Variants in AMDHD2 observed in about 807,000 individuals in gnomAD.
AMDHD2 encodes the protein amidohydrolase domain containing 2, also known as N-acetylglucosamine-6-phosphate deacetylase.
A neutral mutation model predicts 41.8 loss-of-function variants in AMDHD2; 24 were observed. That is an observed-to-expected ratio of 0.57 (90% confidence interval 0.42 to 0.81). AMDHD2 has a LOEUF of 0.81. AMDHD2 is among the 30% of genes least tolerant of loss of function. AMDHD2 has a pLI of 0.00. For synonymous variants in AMDHD2, 332 were observed against 255.5 expected (o/e 1.30, Z -2.85); for missense variants, 540 against 588.5 (o/e 0.92, Z 0.85).
Position 2,528,740 on chromosome 16 carries a change from G to A in AMDHD2, c.1039+22G>A, listed in dbSNP as rs775784160. The stretch of plus-strand genomic sequence containing the variant: ...ACAGGTCAGTGAGCAGCACGGGTGC[G>A]GGTTTAGGTGGTCTGTGAGTGGTGG... On this transcript the variant is annotated intron_variant, in intron 9 of 10. Transcript: ENST00000293971. 40 of 1,608,322 alleles carry A rather than the reference G, an allele frequency of 2.5e-5. No homozygotes were observed. The Admixed American group carries it at 5.3e-4, about 21-fold the overall frequency.
Position 2,531,105 on chromosome 16 carries a change from T to A in AMDHD2, c.*1542T>A, listed in dbSNP as rs776236799. The A allele has an allele frequency of 1.3e-6, 2 of 1,546,318 alleles. No individual in the cohort carries two copies. The highest frequency in any genetic ancestry group is 2.4e-5 in the South Asian group (2 of 82,702). On this transcript the variant is annotated 3_prime_UTR_variant, in exon 11 of 11. Coordinates refer to ENST00000293971, the MANE Select transcript of AMDHD2 (RefSeq NM_001330449.2). ...CTAAAACCCAGAGCTGGCATGTTGG[T>A]CATCCCCACCTCAGACGGGACGCCC... is the stretch of plus-strand genomic sequence containing the variant.
intron 3 of AMDHD2, among the ~76,000 whole-genome samples, chr16:2,523,319 C>T (rs921283076): frequency 2.0e-5 from 3 of 152,206 alleles, no homozygotes; most frequent in East Asian, 3.9e-4. Flanking sequence ...TCATCACTTG[C>T]GTTATATGCC....
chr16:2,527,656 T>A lies in AMDHD2; in HGVS notation c.415+41T>A, dbSNP rs891208062. 2.5e-6 allele frequency: 4 copies of A among 1,590,178 alleles called. No individual in the cohort carries two copies. The African/African-American group carries it at 5.4e-5, about 21-fold the overall frequency. On this transcript the variant is annotated intron_variant, in intron 4 of 10. Coordinates refer to ENST00000293971, the MANE Select transcript of AMDHD2 (RefSeq NM_001330449.2). This position sits in a 1 kb window ranked among gnomAD's most constrained non-coding sequence, Gnocchi z 6.1. ...CCTCCCCGCCCCCACCCTGGGAGGC[T>A]CCTGCGGGACCTGTTGGCAGCCCCC...
At chr16:2,521,577 C>G (rs1183478204) in intron 3 of AMDHD2, among the ~76,000 whole-genome samples, 1 of 152,188 alleles carries the variant, frequency 6.6e-6, no homozygotes, top group East Asian at 1.9e-4. Context: ...CTGCTTGCCC[C>G]ACGCTTCCAT....
At position 2,530,872 on chromosome 16, in the gene AMDHD2, C is replaced by T; in HGVS notation, c.*1309C>T. The T allele has an allele frequency of 1.2e-6, 2 of 1,613,592 alleles. No homozygotes were observed. The highest frequency in any genetic ancestry group is 1.7e-6 in the Non-Finnish European group (2 of 1,179,990). On this transcript the variant is annotated 3_prime_UTR_variant, in exon 11 of 11. Coordinates refer to ENST00000293971, the MANE Select transcript of AMDHD2 (RefSeq NM_001330449.2). ...CTGACCTCCTGAGAGGTGTGAGGTG[C>T]AGGGATACCCACCTCTGCCTTGACG...
At chr16:2,521,345 C>A (rs2065934572) in intron 3 of AMDHD2, among the ~76,000 whole-genome samples, 1 of 152,122 alleles carries the variant, frequency 6.6e-6, no homozygotes, top group Admixed American at 6.5e-5. Flanking sequence ...GCAGCTGTCT[C>A]CACACTGCTG....
chr16:2,531,009 G>A lies in AMDHD2; in HGVS notation c.*1446G>A, dbSNP rs780217414. On this transcript the variant is annotated 3_prime_UTR_variant, in exon 11 of 11. Transcript: ENST00000293971. ...GGAGAGGCAGGTGAGGTTCTCAGCC[G>A]ATGTGTTAGAGGTTGAGCATCGCCT... The A allele has an allele frequency of 1.2e-5, 19 of 1,612,320 alleles. No individual in the cohort carries two copies. The African/African-American group carries it at 1.2e-4, about 10-fold the overall frequency.
At chr16:2,525,799 C>T (rs2065996626) in intron 3 of AMDHD2, among the ~76,000 whole-genome samples, 1 of 152,258 alleles carries the variant, frequency 6.6e-6, no homozygotes, top group Admixed American at 6.5e-5. Context: ...CTGCCTTGGC[C>T]TCCCCAGGTG....
chr16:2,523,621 A>G (rs1415662259), intron 3 of AMDHD2, among the ~76,000 whole-genome samples: 1 of 152,120 alleles, frequency 6.6e-6, no homozygotes, highest in Non-Finnish European at 1.5e-5. Flanking sequence ...GAAATTTCCC[A>G]CAGCCCTCCC....
At chr16:2,522,137 A>G (rs2065949104) in intron 3 of AMDHD2, among the ~76,000 whole-genome samples, 1 of 152,056 alleles carries the variant, frequency 6.6e-6, no homozygotes, top group African/African-American at 2.4e-5. Flanking sequence ...AGGTTGGAGT[A>G]GAGTGGTGTG....
At position 2,531,131 on chromosome 16, in the gene AMDHD2, A is replaced by G. The variant is rs2066090581; in HGVS notation, c.*1568A>G. The G allele has an allele frequency of 1.3e-6, 2 of 1,523,044 alleles. No homozygotes were observed. Among genetic ancestry groups the G allele is most frequent in the Admixed American group, 3.8e-5 (2 of 52,554 alleles). 94.3% of individuals were successfully genotyped at this position (1,523,044 alleles called of 1,614,324 possible). A position where few individuals can be genotyped will look rare whatever the true frequency, so the allele number is the denominator to read the frequency against. ...CATCCCCACCTCAGACGGGACGCCCAGTCCAGAGCTGGTGAGCCCTGGGCC... is the reference window on the plus strand; with the variant it reads ...CATCCCCACCTCAGACGGGACGCCCGGTCCAGAGCTGGTGAGCCCTGGGCC... On this transcript the variant is annotated 3_prime_UTR_variant, in exon 11 of 11. Transcript: ENST00000293971.
Position 2,529,055 on chromosome 16 carries a change from G to C in AMDHD2, c.1101G>C (p.Leu367=). The change falls in exon 10 of 11, where the codon CTG becomes CTC. Residue 367 remains leucine (L), a synonymous_variant. Transcript: ENST00000293971. ...TGCACCCCGCCCAGTTGCTGGGGCTGGAGAAGAGTAAGGGGACCCTGGACT... is the reference window on the plus strand; with the variant it reads ...TGCACCCCGCCCAGTTGCTGGGGCTCGAGAAGAGTAAGGGGACCCTGGACT... ...ASLHPAQLLG[L]EKSKGTLDFG... The C allele has an allele frequency of 6.3e-7, 1 of 1,599,610 alleles. No homozygotes were observed.
intron 3 of AMDHD2, among the ~76,000 whole-genome samples, chr16:2,522,844 C>CTT (rs77502200): frequency 0.019 from 2,528 of 135,038 alleles, 96 homozygotes; most frequent in African/African-American, 0.066. Context: ...TAGTACTTAA[C>CTT]TTTTTTTTTT....
At position 2,527,520 on chromosome 16, in the gene AMDHD2, G is replaced by T. The variant is rs757382508; in HGVS notation, c.361-41G>T. ...TGGCTAGGCTGTGGCCTCTGGGAAT[G>T]GGCTGTGGGGGACAGGGCTTTAACA... On this transcript the variant is annotated intron_variant, in intron 3 of 10. Transcript: ENST00000293971. The surrounding 1 kb of genome is among the most constrained non-coding windows in gnomAD (Gnocchi z 6.1). 1.2e-5 allele frequency: 19 copies of T among 1,596,446 alleles called. No individual in the cohort carries two copies. The highest frequency in any genetic ancestry group is 1.5e-5 in the Non-Finnish European group (17 of 1,171,436).
rs1486443180 is a variant in AMDHD2, at chr16:2,520,396, C to A, written c.-63C>A. The A allele has an allele frequency of 3.3e-6, 4 of 1,199,106 alleles. No individual in the cohort carries two copies. Among genetic ancestry groups the A allele is most frequent in the Non-Finnish European group, 4.2e-6 (4 of 960,268 alleles). 74.3% of individuals were successfully genotyped at this position (1,199,106 alleles called of 1,614,324 possible). ...GTCTCAGCTCTCGGCTGGGGTTCGT[C>A]ACTGGGCGCGGGATTTGGCCGCCGC... On this transcript the variant is annotated 5_prime_UTR_variant, in exon 1 of 11. Coordinates refer to ENST00000293971, the MANE Select transcript of AMDHD2 (RefSeq NM_001330449.2).
At chr16:2,523,920 C>G (rs1434116825) in intron 3 of AMDHD2, among the ~76,000 whole-genome samples, 2 of 152,276 alleles carry the variant, frequency 1.3e-5, no homozygotes, top group Non-Finnish European at 2.9e-5. Flanking sequence ...GTGCCCCCCA[C>G]TGCCTGCGCA....
chr16:2,529,124 A>T (rs1475679382), intron 10 of AMDHD2, 29 bp downstream of exon 10: 1 of 1,511,576 alleles, frequency 6.6e-7, no homozygotes. Flanking sequence ...GTCACCGGGC[A>T]GCCTGGCCCT....
chr16:2,528,584 C>T (rs1284018547), intron 8 of AMDHD2, 25 bp downstream of exon 8: 1 of 1,612,540 alleles, frequency 6.2e-7, no homozygotes, highest in Non-Finnish European at 8.5e-7. Flanking sequence ...CCACTGGGTC[C>T]CAGGTCCCAG....
In AMDHD2 at chr16:2,528,380, G is replaced by T; in HGVS notation, c.862G>T (p.Gly288Trp). The T allele has an allele frequency of 6.2e-7, 1 of 1,612,908 alleles. No homozygotes were observed. Residue 288 changes from glycine to tryptophan, a missense_variant and splice_region_variant, in exon 7 of 11, where the codon GGG (glycine) becomes TGG (tryptophan). By Grantham distance (184) the Gly-to-Trp change is radical (BLOSUM62 -2). Transcript: ENST00000293971. ...GATCGCCCACCGTGCCCATCCCCAGGGTAAGCTGCGGCAGGTGGCCAGGAC... is the reference window on the plus strand; with the variant it reads ...GATCGCCCACCGTGCCCATCCCCAGTGTAAGCTGCGGCAGGTGGCCAGGAC... Reference protein sequence around the residue: ...LRIAHRAHPQGLVLVTDAIPA... With the variant: ...LRIAHRAHPQWLVLVTDAIPA...
Sources: gnomAD v4.1 joint callset for allele counts (sites outside exome capture counted in the v4.1 genomes callset) on GRCh38, gnomAD v4.1.1 for gene constraint, Gnocchi (gnomAD v3.1) non-coding constraint, MANE v1.5 for transcripts, NCBI Gene and HGNC (gene_info 2026-07-23, HGNC 2026-07-21) for gene names.